The following PBRM1 variants were observed in gnomAD, a reference collection of about 807,000 sequenced individuals.
PBRM1 encodes the protein protein polybromo-1.
A neutral mutation model predicts 194.5 loss-of-function variants in PBRM1; 27 were observed. The ratio of observed to expected loss-of-function variants is 0.14; its 90% CI spans 0.10 to 0.19. The LOEUF (loss-of-function observed/expected upper bound fraction) is 0.19. PBRM1 is among the 10% of genes least tolerant of loss of function. PBRM1 has a pLI of 1.00. For synonymous variants in PBRM1, 655 were observed against 693.2 expected, an observed-to-expected ratio of 0.94 and a Z score of 0.87; for missense variants, 1,466 against 2,077.2, an observed-to-expected ratio of 0.71 and a Z score of 5.72.
chr3:52,575,508 CTTTTTTTTTTTT>C (rs1177139118), intron 22 of PBRM1, among the ~76,000 whole-genome samples: 892 of 87,180 alleles, frequency 0.01, 11 homozygotes, highest in African/African-American at 0.041. Flanking sequence ...AATCAATTGT[CTTTTTTTTTTTT>C]TTTTTTTTTT....
intron 15 of PBRM1, among the ~76,000 whole-genome samples, chr3:52,614,472 T>C (rs1351239404): frequency 6.6e-6 from 1 of 151,506 alleles, no homozygotes; most frequent in African/African-American, 2.4e-5. Flanking sequence ...ATCAATTGCT[T>C]GGTATCTATT....
intron 20 of PBRM1, among the ~76,000 whole-genome samples, chr3:52,581,283 G>A (rs2091099746): frequency 1.3e-5 from 2 of 152,172 alleles, no homozygotes; most frequent in Admixed American, 6.5e-5. Context: ...GCCAAGGCAG[G>A]CGGATCACTT....
At chr3:52,678,949 G>C (rs1327798637) in intron 1 of PBRM1, among the ~76,000 whole-genome samples, 3 of 152,090 alleles carry the variant, frequency 2.0e-5, no homozygotes, top group African/African-American at 2.4e-5. Context: ...CTGACAGAAG[G>C]GTTTATCACT....
At chr3:52,645,235 G>C (rs184465315) in intron 7 of PBRM1, among the ~76,000 whole-genome samples, 1 of 151,856 alleles carries the variant, frequency 6.6e-6, no homozygotes, top group Non-Finnish European at 1.5e-5. Flanking sequence ...GTAACTTTTT[G>C]CAGTCTGAGG....
At chr3:52,665,010 G>A (rs1194953497) in intron 3 of PBRM1, among the ~76,000 whole-genome samples, 3 of 152,010 alleles carry the variant, frequency 2.0e-5, no homozygotes, top group Non-Finnish European at 2.9e-5. Flanking sequence ...AAGAGAAAAG[G>A]ATACTAAAGA....
intron 5 of PBRM1, among the ~76,000 whole-genome samples, chr3:52,657,988 T>C (rs1209135378): frequency 6.6e-6 from 1 of 151,304 alleles, no homozygotes. Flanking sequence ...AGATGGGGTT[T>C]CTCCATGTTG....
chr3:52,569,923 G>C (rs749333313), intron 22 of PBRM1, among the ~76,000 whole-genome samples: 2 of 152,098 alleles, frequency 1.3e-5, no homozygotes, highest in African/African-American at 4.8e-5. Context: ...AGTACCTCTA[G>C]AACAATGTTA....
chr3:52,615,142 T>C (rs1427909656), intron 15 of PBRM1, among the ~76,000 whole-genome samples: 1 of 152,180 alleles, frequency 6.6e-6, no homozygotes, highest in African/African-American at 2.4e-5. Flanking sequence ...AAACAAAACC[T>C]CTGACATTAT....
At chr3:52,660,907 T>C (rs1042309649) in intron 4 of PBRM1, among the ~76,000 whole-genome samples, 2 of 152,352 alleles carry the variant, frequency 1.3e-5, no homozygotes, top group Non-Finnish European at 2.9e-5. Flanking sequence ...CCTATGTAGA[T>C]AAGTTACAGA....
intron 7 of PBRM1, among the ~76,000 whole-genome samples, chr3:52,647,773 C>G (rs1160972769): frequency 6.6e-6 from 1 of 151,916 alleles, no homozygotes; most frequent in Non-Finnish European, 1.5e-5. Flanking sequence ...TGTAAAATGG[C>G]AACAGGCAAA....
At chr3:52,685,040 C>T (rs2097288052) in intron 1 of PBRM1, 1 of 152,144 alleles carries the variant, frequency 6.6e-6, no homozygotes, top group South Asian at 2.1e-4. Context: ...GTCAAGAATC[C>T]TGTGTTGGAA....
intron 11 of PBRM1, 51 bp downstream of exon 12, chr3:52,634,551 C>A: frequency 2.5e-6 from 3 of 1,199,174 alleles, no homozygotes; most frequent in Non-Finnish European, 3.7e-6. Flanking sequence ...TATGTGCAGG[C>A]TCAGCCACAA....
At chr3:52,566,102 T>A (rs145863097) in intron 22 of PBRM1, among the ~76,000 whole-genome samples, 5 of 151,666 alleles carry the variant, frequency 3.3e-5, no homozygotes, top group African/African-American at 1.2e-4. Context: ...GCATTCATCA[T>A]CAGGAAAATC....
chr3:52,548,619 T>C (rs1185579494), intron 29 of PBRM1, among the ~76,000 whole-genome samples: 1 of 152,098 alleles, frequency 6.6e-6, no homozygotes, highest in Admixed American at 6.6e-5. Flanking sequence ...TAGAGACAGG[T>C]TTCACCATGT....
chr3:52,677,259 G>C (rs1212403088), intron 2 of PBRM1, among the ~76,000 whole-genome samples: 2 of 152,072 alleles, frequency 1.3e-5, no homozygotes, highest in African/African-American at 4.8e-5. Context: ...AAAATGAAAA[G>C]GCAACCTACA....
chr3:52,594,470 A>G (rs2093385004), intron 17 of PBRM1, among the ~76,000 whole-genome samples: 1 of 152,090 alleles, frequency 6.6e-6, no homozygotes, highest in Admixed American at 6.5e-5. Context: ...GGGTGTCATT[A>G]TGGGTCTCAT....
chr3:52,668,513 T>C, exon 3 of PBRM1: 1 of 1,603,316 alleles, frequency 6.2e-7, no homozygotes, highest in Non-Finnish European at 8.5e-7. Context: ...AATAGGACTT[T>C]GCATTGTTAA....
chr3:52,623,296 T>C (rs929610031), intron 13 of PBRM1, among the ~76,000 whole-genome samples: 2 of 152,122 alleles, frequency 1.3e-5, no homozygotes, highest in African/African-American at 4.8e-5. Context: ...AAGACCCTGT[T>C]TCCTAAAAAA....
At chr3:52,622,649 A>G (rs980735799) in intron 13 of PBRM1, among the ~76,000 whole-genome samples, 2 of 152,088 alleles carry the variant, frequency 1.3e-5, no homozygotes, top group African/African-American at 4.8e-5. Flanking sequence ...CCGGAACCCA[A>G]CCCAATCTGA....
Sources: gnomAD v4.1 joint callset for allele counts (sites outside exome capture counted in the v4.1 genomes callset) on GRCh38, gnomAD v4.1.1 for gene constraint, MANE v1.5 for transcripts, NCBI Gene and HGNC (gene_info 2026-07-23, HGNC 2026-07-21) for gene names.